The following WLS variants were observed in gnomAD, a reference collection of about 807,000 sequenced individuals.
The protein encoded by WLS is Wnt ligand secretion mediator.
A neutral mutation model predicts 62.8 loss-of-function variants in WLS; 23 were observed. That is an observed-to-expected ratio of 0.37 (90% confidence interval 0.26 to 0.52). The LOEUF is 0.52. Among genes scored for constraint, WLS ranks in the 20% least tolerant of loss-of-function variants. The probability of loss-of-function intolerance (pLI) is 0.92; values close to 1 mark genes in which losing one functional copy is unlikely to be tolerated. For synonymous variants in WLS, 246 were observed against 244.1 expected, an observed-to-expected ratio of 1.01 and a Z score of -0.07; for missense variants, 615 against 697.3, an observed-to-expected ratio of 0.88 and a Z score of 1.33.
chr1:68,157,953 T>G (rs2100493737), intron 3 of WLS, among the ~76,000 whole-genome samples: 1 of 152,186 alleles, frequency 6.6e-6, no homozygotes, highest in African/African-American at 2.4e-5. Context: ...GCTAGAAAGG[T>G]TTTTAATTTT....
At chr1:68,163,048 C>G (rs6703779) in intron 2 of WLS, 59,033 of 1,577,698 alleles carry the variant, frequency 0.037, 1,268 homozygotes, top group Middle Eastern at 0.044. Context: ...CAAATTCTGT[C>G]CAATTGCTGT....
chr1:68,173,270 A>T (rs1321655781), intron 2 of WLS, among the ~76,000 whole-genome samples: 1 of 152,264 alleles, frequency 6.6e-6, no homozygotes, highest in Non-Finnish European at 1.5e-5. Context: ...CATAATCAAC[A>T]TCAATGTGGA....
At chr1:68,165,811 G>C (rs555114207) in intron 2 of WLS, among the ~76,000 whole-genome samples, 6 of 152,288 alleles carry the variant, frequency 3.9e-5, no homozygotes, top group Non-Finnish European at 8.8e-5. Flanking sequence ...CATCATCAGA[G>C]GATGCAACGT....
chr1:68,225,386 C>T (rs778410858), intron 1 of WLS, among the ~76,000 whole-genome samples: 12 of 152,130 alleles, frequency 7.9e-5, no homozygotes, highest in Non-Finnish European at 1.2e-4. Context: ...CATCCCCATA[C>T]GGGCACTTTC....
intron 2 of WLS, among the ~76,000 whole-genome samples, chr1:68,181,270 G>A (rs1647554252): frequency 6.6e-6 from 1 of 152,120 alleles, no homozygotes; most frequent in Non-Finnish European, 1.5e-5. Context: ...CTATACATTG[G>A]GGGCACCATT....
intron 2 of WLS, chr1:68,183,505 AAC>A (rs1647714090): frequency 3.8e-6 from 2 of 531,332 alleles, no homozygotes; most frequent in Non-Finnish European, 7.7e-6. Flanking sequence ...AGCATCAGAA[AAC>A]ACAGAATTAA....
Position 68,148,214 on chromosome 1 carries a change from A to T in WLS, c.1071-15T>A. On this transcript the variant is annotated splice_polypyrimidine_tract_variant and intron_variant, in intron 7 of 11. Transcript: ENST00000262348. ...GTTGTACCCCTCTACAAAGAAAATG[A>T]GATGGAAAGGCAAGACACAATTAAT... is the stretch of plus-strand genomic sequence containing the variant. The T allele has an allele frequency of 6.2e-7, 1 of 1,613,754 alleles. No individual in the cohort carries two copies. Among genetic ancestry groups the T allele is most frequent in the Non-Finnish European group, 8.5e-7 (1 of 1,179,620 alleles).
intron 11 of WLS, 150 bp downstream of exon 11, chr1:68,137,630 C>G: frequency 1.2e-6 from 1 of 805,094 alleles, no homozygotes; most frequent in Non-Finnish European, 1.8e-6. Flanking sequence ...GGGTGAGTCC[C>G]CTGGGTGCTC....
chr1:68,098,818 G>GT lies in WLS; in HGVS notation c.1511-66dup, dbSNP rs1367417592. On this transcript the variant is annotated intron_variant, in intron 11 of 11. Transcript: ENST00000354777. ...CTTTTAAAAAAATATGTAACATGGA[G>GT]TTTAGGACCAAGGCTCAGGTAACTA... 6 of 1,551,090 alleles carry GT rather than the reference G, an allele frequency of 3.9e-6. No individual in the cohort carries two copies. In the South Asian group the frequency reaches 7.2e-5, roughly 19 times the overall value.
At chr1:68,162,067 C>A in intron 2 of WLS, 1 of 1,584,630 alleles carries the variant, frequency 6.3e-7, no homozygotes, top group Non-Finnish European at 8.6e-7. Context: ...GATGGCTCGG[C>A]GGATCTCAGT....
At chr1:68,137,164 T>C (rs1646622260) in intron 11 of WLS, among the ~76,000 whole-genome samples, 1 of 152,180 alleles carries the variant, frequency 6.6e-6, no homozygotes, top group Non-Finnish European at 1.5e-5. Context: ...CCTCAGTTTC[T>C]TTATCTATAA....
chr1:68,126,890 G>A (rs952676555), intron 11 of WLS, among the ~76,000 whole-genome samples: 1 of 152,124 alleles, frequency 6.6e-6, no homozygotes, highest in Non-Finnish European at 1.5e-5. Flanking sequence ...CATTTGCTAT[G>A]AATAATTTAC....
chr1:68,113,157 C>G (rs1228105360), intron 11 of WLS, among the ~76,000 whole-genome samples: 1 of 152,218 alleles, frequency 6.6e-6, no homozygotes, highest in Admixed American at 6.5e-5. Flanking sequence ...TCTGGGCTTA[C>G]TCATATCCTG....
chr1:68,183,457 C>A, intron 2 of WLS: 1 of 488,330 alleles, frequency 2.0e-6, no homozygotes, highest in Non-Finnish European at 4.2e-6. Context: ...ATAAAATCCT[C>A]TGCCCCATTC....
At chr1:68,136,760 G>A (rs1250381222) in intron 11 of WLS, among the ~76,000 whole-genome samples, 2 of 152,152 alleles carry the variant, frequency 1.3e-5, no homozygotes, top group Admixed American at 6.6e-5. Flanking sequence ...CAAAAGATGA[G>A]TAGAGTTTCA....
intron 2 of WLS, among the ~76,000 whole-genome samples, chr1:68,175,697 GACAAAGGATA>G (rs1647231112): frequency 6.6e-6 from 1 of 152,186 alleles, no homozygotes; most frequent in South Asian, 2.1e-4. Flanking sequence ...GAGTTTGAGT[GACAAAGGATA>G]ACAAGTTGAG....
At chr1:68,111,298 T>A (rs985860567) in intron 11 of WLS, among the ~76,000 whole-genome samples, 6 of 152,150 alleles carry the variant, frequency 3.9e-5, no homozygotes, top group Non-Finnish European at 7.4e-5. Context: ...ACCTAGAGAA[T>A]AACTAAGGCT....
intron 2 of WLS, among the ~76,000 whole-genome samples, chr1:68,168,561 A>G (rs1647097139): frequency 6.6e-6 from 1 of 152,204 alleles, no homozygotes; most frequent in Admixed American, 6.5e-5. Flanking sequence ...GGAGAGGACA[A>G]GATATATTAG....
intron 10 of WLS, among the ~76,000 whole-genome samples, chr1:68,142,329 T>C (rs1391939698): frequency 6.6e-6 from 1 of 152,152 alleles, no homozygotes; most frequent in Non-Finnish European, 1.5e-5. Flanking sequence ...TAAAAACATA[T>C]CTTGAAATTG....
Sources: allele counts gnomAD v4.1 joint callset (sites outside exome capture counted in the v4.1 genomes callset), GRCh38; gene constraint gnomAD v4.1.1; transcripts MANE v1.5; gene names NCBI Gene and HGNC (gene_info 2026-07-23, HGNC 2026-07-21).